The following NPY1R variants were observed in gnomAD, a reference collection of about 807,000 sequenced individuals.
NPY1R encodes neuropeptide Y receptor type 1.
NPY1R carries 10 observed loss-of-function variants against 24.1 expected under a neutral mutation model. The ratio of observed to expected loss-of-function variants is 0.42; its 90% CI spans 0.26 to 0.71. The LOEUF is 0.71. Among genes scored for constraint, NPY1R ranks in the 30% least tolerant of loss-of-function variants. The pLI is 0.28. For missense variants in NPY1R, 350 were observed against 458.0 expected, an observed-to-expected ratio of 0.76 and a Z score of 2.15; for synonymous variants, 168 against 165.9, an observed-to-expected ratio of 1.01 and a Z score of -0.10.
chr4:163,331,185 C>A (rs748316901), intron 1 of NPY1R: 2 of 152,306 alleles, frequency 1.3e-5, no homozygotes, highest in Non-Finnish European at 2.9e-5. Context: ...ACCTGACAGA[C>A]AAGCTCCACA....
intron 1 of NPY1R, among the ~76,000 whole-genome samples, chr4:163,341,089 G>A (rs543398558): frequency 4.9e-4 from 72 of 146,412 alleles, no homozygotes; most frequent in African/African-American, 1.3e-3. Context: ...TAGCTTTTGG[G>A]TTTTTTTTTT....
chr4:163,335,442 G>A (rs969848849), upstream of NPY1R, among the ~76,000 whole-genome samples: 4 of 152,142 alleles, frequency 2.6e-5, no homozygotes, highest in African/African-American at 7.2e-5. Flanking sequence ...TTAAATAAAA[G>A]TGTGACAGTA....
chr4:163,343,759 G>C (rs1169176096), intron 1 of NPY1R, among the ~76,000 whole-genome samples: 1 of 152,132 alleles, frequency 6.6e-6, no homozygotes, highest in Non-Finnish European at 1.5e-5. Flanking sequence ...CGTAGGTCTG[G>C]GACGCCCCCG....
At chr4:163,343,823 C>T (rs1735078310) in intron 1 of NPY1R, 1 of 152,164 alleles carries the variant, frequency 6.6e-6, no homozygotes, top group Admixed American at 6.5e-5. Flanking sequence ...AGCAGGGTCT[C>T]GGGGGTCCCC....
upstream of NPY1R, among the ~76,000 whole-genome samples, chr4:163,334,772 A>T (rs1201004165): frequency 2.6e-5 from 4 of 151,818 alleles, no homozygotes; most frequent in African/African-American, 7.3e-5. Flanking sequence ...AGGCAGGAGA[A>T]CTGCTTGAAC....
intron 1 of NPY1R, among the ~76,000 whole-genome samples, chr4:163,340,141 A>T (rs1032911342): frequency 1.3e-5 from 2 of 152,072 alleles, no homozygotes; most frequent in Non-Finnish European, 2.9e-5. Context: ...TTAAAATATT[A>T]ACTACAAAAA....
chr4:163,329,725 G>A (rs1309633596), intron 1 of NPY1R, among the ~76,000 whole-genome samples: 1 of 152,112 alleles, frequency 6.6e-6, no homozygotes, highest in South Asian at 2.1e-4. Context: ...GGAGTGGTGA[G>A]TAGGGAAGCT....
rs1165559387 is a variant in NPY1R, at chr4:163,343,352, G to T, written c.-152+953C>A. 2.6e-5 allele frequency among the ~76,000 whole-genome samples: 4 copies of T among 151,890 alleles called. No individual in the cohort carries two copies. In the East Asian group the frequency reaches 7.8e-4, roughly 29 times the overall value. ...GGGAAACTTCCCTTCTATTCTGCTG[G>T]GCTCATTACCGCAGACGCTGTTGCC... On this transcript the variant is annotated intron_variant, in intron 1 of 1. Transcript: ENST00000511901.
chr4:163,337,176 T>C (rs1734858977), upstream of NPY1R, among the ~76,000 whole-genome samples: 1 of 152,186 alleles, frequency 6.6e-6, no homozygotes, highest in Non-Finnish European at 1.5e-5. Context: ...CTAAGGATGG[T>C]CAATGGTATA....
chr4:163,327,592 G>C (rs1734636588), intron 1 of NPY1R, among the ~76,000 whole-genome samples: 2 of 152,142 alleles, frequency 1.3e-5, no homozygotes, highest in Admixed American at 1.3e-4. Flanking sequence ...CTAACTTTAA[G>C]AGTCTGTTAT....
chr4:163,342,995 C>G (rs925097081), intron 1 of NPY1R, among the ~76,000 whole-genome samples: 3 of 149,822 alleles, frequency 2.0e-5, no homozygotes, highest in African/African-American at 4.9e-5. Flanking sequence ...CACACACACA[C>G]ACACACACAC....
chr4:163,343,631 G>A (rs181903135), intron 1 of NPY1R, among the ~76,000 whole-genome samples: 146 of 152,228 alleles, frequency 9.6e-4, no homozygotes, highest in African/African-American at 3.4e-3. Flanking sequence ...TTGAGGGCTG[G>A]ACCGGCAAAA....
intron 1 of NPY1R, among the ~76,000 whole-genome samples, chr4:163,330,346 T>G (rs891795536): frequency 6.6e-6 from 1 of 152,204 alleles, no homozygotes; most frequent in African/African-American, 2.4e-5. Flanking sequence ...TAGGTAGAAG[T>G]TAATTTAGCT....
At chr4:163,338,280 C>A (rs1307863086) in intron 1 of NPY1R, among the ~76,000 whole-genome samples, 1 of 152,168 alleles carries the variant, frequency 6.6e-6, no homozygotes. Flanking sequence ...AAATCTCACG[C>A]ATCTAATTGC....
At chr4:163,338,584 C>T (rs1734901038) in intron 1 of NPY1R, among the ~76,000 whole-genome samples, 1 of 152,170 alleles carries the variant, frequency 6.6e-6, no homozygotes. Context: ...GGGACTACTC[C>T]TGTCATGCAA....
Position 163,326,688 on chromosome 4 carries a change from T to C in NPY1R, c.-134A>G, listed in dbSNP as rs1734617271. 1 of 603,954 alleles carries C rather than the reference T, an allele frequency of 1.7e-6. No individual in the cohort carries two copies. The highest frequency in any genetic ancestry group is 1.9e-5 in the African/African-American group (1 of 53,786). The allele number at this position is 603,954 out of a possible 1,614,324, so 37.4% of individuals were successfully genotyped here. On this transcript the variant is annotated 5_prime_UTR_variant, in exon 2 of 3. Transcript: ENST00000296533. ...ACCAAAATTATTCTGAATTCTTCAT[T>C]CCCTTGAACTGAACAATCTGTAAAG... is the stretch of plus-strand genomic sequence containing the variant.
At chr4:163,337,144 C>T (rs567468483), upstream of NPY1R, among the ~76,000 whole-genome samples, 9 of 152,262 alleles carry the variant, frequency 5.9e-5, no homozygotes, top group South Asian at 1.9e-3. Context: ...GATACAAATA[C>T]ATCTAGAAAG....
At position 163,326,312 on chromosome 4, in the gene NPY1R, G is replaced by A. The variant is rs1296118064; in HGVS notation, c.243C>T (p.Asn81=). 1 of 1,613,972 alleles carries A rather than the reference G, an allele frequency of 6.2e-7. No homozygotes were observed. The highest frequency in any genetic ancestry group is 8.5e-7 in the Non-Finnish European group (1 of 1,179,968). The change falls in exon 2 of 3, where the codon AAC becomes AAT. Residue 81 remains asparagine (N), a synonymous_variant. Transcript: ENST00000296533. ...CAACAAGCAAGTCTGAGAAGGAAAG[G>A]TTCACAATCAGGATGTTGGTAACAT... ...MRNVTNILIV[N]LSFSDLLVAI...
At chr4:163,327,970 CAG>C (rs1335999400) in intron 1 of NPY1R, among the ~76,000 whole-genome samples, 2 of 152,048 alleles carry the variant, frequency 1.3e-5, no homozygotes, top group Admixed American at 6.6e-5. Context: ...GAAAATCATG[CAG>C]AGTTACTTCC....
Sources: allele counts gnomAD v4.1 joint callset (sites outside exome capture counted in the v4.1 genomes callset), GRCh38; gene constraint gnomAD v4.1.1; transcripts MANE v1.5; gene names NCBI Gene and HGNC (gene_info 2026-07-23, HGNC 2026-07-21).